Variants in LRMDA observed in about 807,000 individuals in gnomAD.
The protein encoded by LRMDA is leucine-rich melanocyte differentiation-associated protein.
LRMDA carries 18 observed loss-of-function variants against 29.8 expected under a neutral mutation model. The observed-to-expected ratio is 0.60, with a 90% CI of 0.42 to 0.90. LRMDA has a LOEUF of 0.90. Among genes scored for constraint, LRMDA ranks in the 40% least tolerant of loss-of-function variants. The pLI is 0.00. For missense variants in LRMDA, 273 were observed against 273.9 expected (o/e 1.00, Z 0.02); for synonymous variants, 125 against 109.4 (o/e 1.14, Z -0.89).
intron 2 of LRMDA, among the ~76,000 whole-genome samples, chr10:75,670,116 C>T (rs116677733): frequency 0.014 from 2,073 of 152,244 alleles, 59 homozygotes; most frequent in African/African-American, 0.047. Flanking sequence ...AAGACATTTG[C>T]GTCTTTATAA....
At chr10:75,800,438 C>CTT (rs56269028) in intron 2 of LRMDA, among the ~76,000 whole-genome samples, 52 of 145,622 alleles carry the variant, frequency 3.6e-4, no homozygotes, top group South Asian at 6.4e-4. Context: ...TAATCTTTTT[C>CTT]TTTTTTTTTT....
At chr10:75,518,707 T>C (rs541652744) in intron 2 of LRMDA, among the ~76,000 whole-genome samples, 1 of 152,348 alleles carries the variant, frequency 6.6e-6, no homozygotes, top group South Asian at 2.1e-4. Context: ...CTCCTTCAGT[T>C]CTGCTCTGAT....
intron 5 of LRMDA, among the ~76,000 whole-genome samples, chr10:76,171,575 C>T (rs1850838774): frequency 6.6e-6 from 1 of 152,168 alleles, no homozygotes; most frequent in African/African-American, 2.4e-5. Context: ...CTGCTCTGGC[C>T]TTTAGTTGCA....
chr10:76,285,252 C>T (rs1589410835), intron 5 of LRMDA, among the ~76,000 whole-genome samples: 2 of 152,064 alleles, frequency 1.3e-5, no homozygotes, highest in South Asian at 4.1e-4. Flanking sequence ...ACAACTCAAC[C>T]AGCAAATGTC....
chr10:76,143,497 G>C (rs890860491), intron 5 of LRMDA, among the ~76,000 whole-genome samples: 5 of 152,072 alleles, frequency 3.3e-5, no homozygotes, highest in African/African-American at 1.2e-4. Flanking sequence ...CTTCTTTTGA[G>C]AAGTGTCTGT....
chr10:75,673,344 A>G (rs1307510311), intron 2 of LRMDA, among the ~76,000 whole-genome samples: 1 of 152,230 alleles, frequency 6.6e-6, no homozygotes, highest in Non-Finnish European at 1.5e-5. Context: ...AAATGCTAAA[A>G]TCAGAAGAGA....
At chr10:75,685,204 G>C (rs1044806174) in intron 2 of LRMDA, among the ~76,000 whole-genome samples, 5 of 151,924 alleles carry the variant, frequency 3.3e-5, no homozygotes, top group African/African-American at 1.2e-4. Flanking sequence ...CCAACAAATA[G>C]AAAGGTACTT....
At chr10:75,711,335 C>CA (rs1216874379) in intron 2 of LRMDA, among the ~76,000 whole-genome samples, 1 of 151,892 alleles carries the variant, frequency 6.6e-6, no homozygotes, top group Non-Finnish European at 1.5e-5. Context: ...TTCTTAGTTG[C>CA]AAAAAAGCAG....
chr10:75,886,206 A>G (rs1845384814), intron 2 of LRMDA, among the ~76,000 whole-genome samples: 2 of 152,224 alleles, frequency 1.3e-5, no homozygotes, highest in African/African-American at 4.8e-5. Flanking sequence ...AAGTATAGAA[A>G]CAGAGCATAT....
chr10:75,719,835 T>C (rs1842544470), intron 2 of LRMDA, among the ~76,000 whole-genome samples: 1 of 152,198 alleles, frequency 6.6e-6, no homozygotes, highest in South Asian at 2.1e-4. Context: ...ATGGAAGGCC[T>C]ACTTTCCCAA....
chr10:75,888,213 A>G (rs572443622), intron 2 of LRMDA, among the ~76,000 whole-genome samples: 1 of 152,238 alleles, frequency 6.6e-6, no homozygotes, highest in East Asian at 1.9e-4. Context: ...TGGCAACAGT[A>G]CTGAAGAAAA....
chr10:76,506,999 A>G (rs1293534070), intron 6 of LRMDA, among the ~76,000 whole-genome samples: 1 of 152,046 alleles, frequency 6.6e-6, no homozygotes, highest in Non-Finnish European at 1.5e-5. Context: ...TCTGGATCAT[A>G]TGGTAGTTCT....
At chr10:76,257,150 A>C (rs1852610357) in intron 5 of LRMDA, among the ~76,000 whole-genome samples, 1 of 152,182 alleles carries the variant, frequency 6.6e-6, no homozygotes, top group Non-Finnish European at 1.5e-5. Context: ...TAATAGCTTT[A>C]CATTAAAAAT....
intron 6 of LRMDA, among the ~76,000 whole-genome samples, chr10:76,462,204 A>AT (rs369251117): frequency 2.6e-3 from 392 of 150,080 alleles, no homozygotes; most frequent in South Asian, 0.011. Context: ...CAGAATCTGC[A>AT]TTTTTTTTTT....
chr10:75,831,276 T>C (rs1233120234), intron 2 of LRMDA, among the ~76,000 whole-genome samples: 1 of 152,200 alleles, frequency 6.6e-6, no homozygotes, highest in East Asian at 1.9e-4. Flanking sequence ...CTTGATCTCC[T>C]GACCTCATGA....
intron 6 of LRMDA, among the ~76,000 whole-genome samples, chr10:76,363,556 A>C (rs1485181169): frequency 6.6e-6 from 1 of 152,156 alleles, no homozygotes; most frequent in Non-Finnish European, 1.5e-5. Context: ...ACTGGAGCAT[A>C]GGATGAGTGA....
At chr10:75,759,540 G>A (rs1434924755) in intron 2 of LRMDA, among the ~76,000 whole-genome samples, 1 of 152,150 alleles carries the variant, frequency 6.6e-6, no homozygotes, top group African/African-American at 2.4e-5. Flanking sequence ...TCAGTATTTT[G>A]TCTTGTAAAT....
At chr10:76,548,915 A>G (rs1053947337) in intron 6 of LRMDA, among the ~76,000 whole-genome samples, 1 of 152,240 alleles carries the variant, frequency 6.6e-6, no homozygotes, top group African/African-American at 2.4e-5. Context: ...ATAGAGCCAC[A>G]ACGCCTGTAA....
chr10:75,484,157 T>C (rs1304325429), intron 2 of LRMDA, among the ~76,000 whole-genome samples: 3 of 152,182 alleles, frequency 2.0e-5, no homozygotes, highest in Admixed American at 2.0e-4. Context: ...GATTTTGCTG[T>C]GTTGCCCAGG....
Sources: gnomAD v4.1 joint callset for allele counts (sites outside exome capture counted in the v4.1 genomes callset) on GRCh38, gnomAD v4.1.1 for gene constraint, MANE v1.5 for transcripts, NCBI Gene and HGNC (gene_info 2026-07-23, HGNC 2026-07-21) for gene names.